The following NUP37 variants were observed in gnomAD, a reference collection of about 807,000 sequenced individuals.
NUP37 encodes the protein nucleoporin Nup37.
NUP37 carries 33 observed loss-of-function variants against 45.4 expected under a neutral mutation model. That is an observed-to-expected ratio of 0.73 (90% CI 0.55 to 0.97). The LOEUF (loss-of-function observed/expected upper bound fraction) is 0.97. Ranked by LOEUF, NUP37 falls within the 50% of genes least tolerant of loss-of-function variation. The pLI is 0.00. For synonymous variants in NUP37, 127 were observed against 130.7 expected, an observed-to-expected ratio of 0.97 and a Z score of 0.19; for missense variants, 365 against 389.7, an observed-to-expected ratio of 0.94 and a Z score of 0.53.
At chr12:102,079,886 A>T (rs549753534) in intron 6 of NUP37, among the ~76,000 whole-genome samples, 1 of 152,208 alleles carries the variant, frequency 6.6e-6, no homozygotes, top group Non-Finnish European at 1.5e-5. Context: ...AAGTGCACAT[A>T]AGCGGACTCA....
At chr12:102,093,917 T>C (rs1367943906) in intron 5 of NUP37, among the ~76,000 whole-genome samples, 1 of 152,084 alleles carries the variant, frequency 6.6e-6, no homozygotes, top group East Asian at 1.9e-4. Flanking sequence ...TACAAGGGCA[T>C]ACAGAAAAGA....
At chr12:102,108,520 C>T (rs908856133) in intron 3 of NUP37, among the ~76,000 whole-genome samples, 1 of 152,142 alleles carries the variant, frequency 6.6e-6, no homozygotes, top group Non-Finnish European at 1.5e-5. Flanking sequence ...ATCTTGTGAT[C>T]GTGTGAGTCA....
chr12:102,084,258 T>C (rs775199693), intron 6 of NUP37, among the ~76,000 whole-genome samples: 1 of 152,220 alleles, frequency 6.6e-6, no homozygotes, highest in African/African-American at 2.4e-5. Flanking sequence ...ATGCTGACTA[T>C]AGGCCTGGCG....
intron 9 of NUP37, chr12:102,074,797 T>C (rs1047456169): frequency 4.4e-6 from 2 of 451,466 alleles, no homozygotes; most frequent in Non-Finnish European, 7.8e-6. Context: ...CAAAAAAACC[T>C]GTTGTCACTG....
rs562842963 is a variant in NUP37 at position 102,077,328 on chromosome 12, C to T, written c.716G>A (p.Arg239Gln). 5.8e-5 allele frequency: 94 copies of T among 1,613,994 alleles called. No individual in the cohort carries two copies. The South Asian group carries it at 6.5e-4, about 11-fold the overall frequency. Reference protein sequence around the residue: ...GNDWLIWDITRSSYPQNKRPV... With the variant: ...GNDWLIWDITQSSYPQNKRPV... ...AAACATATCAAGAAAGTACCTGGAC[C>T]GAGTAATATCCCAAATTAACCAATC... The change falls in exon 7 of 10, where the codon CGG (arginine) becomes CAG (glutamine). Residue 239 changes from arginine to glutamine, a missense_variant. Coordinates refer to ENST00000552283, the MANE Select transcript of NUP37 (RefSeq NM_024057.4).
At chr12:102,097,415 A>T (rs1879835708) in intron 5 of NUP37, among the ~76,000 whole-genome samples, 1 of 152,156 alleles carries the variant, frequency 6.6e-6, no homozygotes, top group South Asian at 2.1e-4. Flanking sequence ...TAGAGTAATA[A>T]TGTCCTTTCT....
At chr12:102,092,318 A>G (rs1018248601) in intron 5 of NUP37, among the ~76,000 whole-genome samples, 5 of 152,222 alleles carry the variant, frequency 3.3e-5, no homozygotes, top group Admixed American at 6.5e-5. Context: ...TTTCTAAAAG[A>G]CATGACTAGA....
chr12:102,096,283 G>A lies in NUP37; in HGVS notation c.449+2823C>T, dbSNP rs549123168. ...TTCTTATAAACTTGCACAGATCATA[G>A]AATAGTAAAATTAGATGGAGTCTTA... On this transcript the variant is annotated intron_variant, in intron 5 of 9. Transcript: ENST00000552283. Among the ~76,000 whole-genome samples the A allele has an allele frequency of 2.0e-5, 3 of 152,172 alleles. No individual in the cohort carries two copies. The South Asian group carries it at 6.2e-4, about 32-fold the overall frequency.
At chr12:102,088,065 T>C (rs1004308143) in intron 5 of NUP37, among the ~76,000 whole-genome samples, 5 of 152,330 alleles carry the variant, frequency 3.3e-5, no homozygotes, top group Non-Finnish European at 4.4e-5. Context: ...AAATGATTTA[T>C]GGTTTATAAT....
At chr12:102,114,216 A>G (rs1880396095) in intron 2 of NUP37, among the ~76,000 whole-genome samples, 1 of 152,248 alleles carries the variant, frequency 6.6e-6, no homozygotes, top group Non-Finnish European at 1.5e-5. Flanking sequence ...TTGACAAATC[A>G]GTCTCCTAAA....
intron 3 of NUP37, among the ~76,000 whole-genome samples, chr12:102,104,700 A>G (rs1880074794): frequency 6.6e-6 from 1 of 152,176 alleles, no homozygotes; most frequent in African/African-American, 2.4e-5. Context: ...TGTTGAACAG[A>G]CTATCCTTTT....
chr12:102,088,366 T>A (rs571359962), intron 5 of NUP37, among the ~76,000 whole-genome samples: 3 of 152,250 alleles, frequency 2.0e-5, no homozygotes, highest in African/African-American at 7.2e-5. Flanking sequence ...GTATACCATA[T>A]ATAATAAAAA....
intron 7 of NUP37, 105 bp downstream of exon 7, chr12:102,077,217 G>T: frequency 1.7e-6 from 2 of 1,187,384 alleles, no homozygotes; most frequent in South Asian, 1.2e-5. Context: ...ACTTGCTTTC[G>T]CTTGACAGCA....
chr12:102,117,411 C>T (rs1207765755), intron 2 of NUP37, among the ~76,000 whole-genome samples: 1 of 151,128 alleles, frequency 6.6e-6, no homozygotes, highest in Non-Finnish European at 1.5e-5. Context: ...GGTTGACCTC[C>T]AGCCTGGGCG....
intron 5 of NUP37, among the ~76,000 whole-genome samples, chr12:102,098,335 G>A (rs979658873): frequency 2.0e-5 from 3 of 152,136 alleles, no homozygotes; most frequent in African/African-American, 7.2e-5. Flanking sequence ...TAAATGTATT[G>A]TATCTAAAGA....
intron 5 of NUP37, among the ~76,000 whole-genome samples, chr12:102,087,820 T>A (rs1487499703): frequency 6.6e-6 from 1 of 152,210 alleles, no homozygotes; most frequent in African/African-American, 2.4e-5. Context: ...TTTTCATGAT[T>A]TTTTTCTTTC....
At chr12:102,118,663 G>A (rs1166890923) in intron 1 of NUP37, 80 bp from the exon 2 acceptor site, 2 of 640,832 alleles carry the variant, frequency 3.1e-6, no homozygotes, top group Non-Finnish European at 5.1e-6. Context: ...AGGTTGTGGT[G>A]TTACAATGAG....
At chr12:102,104,878 A>C (rs1161094579) in intron 3 of NUP37, among the ~76,000 whole-genome samples, 2 of 152,234 alleles carry the variant, frequency 1.3e-5, no homozygotes, top group African/African-American at 4.8e-5. Flanking sequence ...GAAATAAAGA[A>C]GTGTGAGAAC....
At chr12:102,107,245 AT>A (rs1039372885) in intron 3 of NUP37, among the ~76,000 whole-genome samples, 2 of 152,208 alleles carry the variant, frequency 1.3e-5, no homozygotes, top group Non-Finnish European at 2.9e-5. Context: ...AAGAAAAAAA[AT>A]AATCCCCTCC....
Sources: allele counts gnomAD v4.1 joint callset (sites outside exome capture counted in the v4.1 genomes callset), GRCh38; gene constraint gnomAD v4.1.1; transcripts MANE v1.5; gene names NCBI Gene and HGNC (gene_info 2026-07-23, HGNC 2026-07-21).